The following CELF2 variants were observed in gnomAD, a reference collection of about 807,000 sequenced individuals.
CELF2 encodes CUG triplet repeat RNA-binding protein 2.
Under a neutral mutation model 62.6 loss-of-function variants are expected in CELF2, and 8 were observed. The ratio of observed to expected loss-of-function variants is 0.13; its 90% CI spans 0.07 to 0.23. The LOEUF is 0.23. Ranked by LOEUF, CELF2 falls within the 10% of genes least tolerant of loss-of-function variation. CELF2 has a pLI of 1.00. For synonymous variants in CELF2, 258 were observed against 250.0 expected (o/e 1.03, Z -0.30); for missense variants, 333 against 671.0 (o/e 0.50, Z 5.56).
the CELF2 span, among the ~76,000 whole-genome samples, chr10:10,669,676 C>T: frequency 6.6e-6 from 1 of 152,200 alleles, no homozygotes; most frequent in East Asian, 1.9e-4. Context: ...CAGGCCACCC[C>T]AGCTGGATTA....
At chr10:10,917,260 G>A (rs2064428831) in intron 1 of CELF2, among the ~76,000 whole-genome samples, 1 of 152,150 alleles carries the variant, frequency 6.6e-6, no homozygotes. Context: ...TGTGAGTGAA[G>A]GATGTTGGTC....
intron 2 of CELF2, among the ~76,000 whole-genome samples, chr10:11,193,592 C>T (rs976446453): frequency 2.1e-4 from 32 of 152,302 alleles, no homozygotes; most frequent in African/African-American, 7.5e-4. Flanking sequence ...CCTGTTCATT[C>T]CACCTGAGGA....
rs1429755030 is a variant in CELF2 at position 11,280,075 on chromosome 10, T to A, written c.841+4955T>A. ...CTCTCGGTCTGGTGCCCTTTCAGGA[T>A]GAGCGTGTGGGATAAAGTGTGACTT... On this transcript the variant is annotated intron_variant, in intron 8 of 12. Transcript: ENST00000633077. This position sits in a 1 kb window ranked among gnomAD's most constrained non-coding sequence, Gnocchi z 7.6. 1.3e-5 allele frequency among the ~76,000 whole-genome samples: 2 copies of A among 152,122 alleles called. No individual in the cohort carries two copies. Among genetic ancestry groups the A allele is most frequent in the Non-Finnish European group, 2.9e-5 (2 of 68,022 alleles).
At chr10:11,002,660 T>C (rs1472878549), upstream of CELF2, among the ~76,000 whole-genome samples, 1 of 152,198 alleles carries the variant, frequency 6.6e-6, no homozygotes, top group Non-Finnish European at 1.5e-5. This position sits in a 1 kb window ranked among gnomAD's most constrained non-coding sequence, Gnocchi z 4.4. Context: ...GAACCAGCGG[T>C]GCCTGCCCAC....
intron 1 of CELF2, among the ~76,000 whole-genome samples, chr10:11,078,749 G>C (rs1325770075): frequency 6.6e-6 from 1 of 152,168 alleles, no homozygotes; most frequent in Non-Finnish European, 1.5e-5. Flanking sequence ...CTGCCAGTCT[G>C]TATTCTCTTA....
intron 1 of CELF2, among the ~76,000 whole-genome samples, chr10:11,126,701 AGAGT>A (rs1395750374): frequency 6.6e-6 from 1 of 152,230 alleles, no homozygotes; most frequent in Non-Finnish European, 1.5e-5. Flanking sequence ...CTGTGAATAC[AGAGT>A]AAGTCTTTGA....
intron 3 of CELF2, among the ~76,000 whole-genome samples, chr10:11,236,302 A>AG (rs1174698700): frequency 6.6e-6 from 1 of 152,214 alleles, no homozygotes; most frequent in Non-Finnish European, 1.5e-5. Flanking sequence ...TGCTTGTTAG[A>AG]GGGGTATTCT....
chr10:11,272,360 T>C (rs1003820397), intron 7 of CELF2, among the ~76,000 whole-genome samples: 1 of 152,264 alleles, frequency 6.6e-6, no homozygotes, highest in Non-Finnish European at 1.5e-5. Flanking sequence ...GATTTGTTTT[T>C]CACAAATGTG....
chr10:10,477,860 T>C, the CELF2 span, among the ~76,000 whole-genome samples: 6 of 152,032 alleles, frequency 3.9e-5, no homozygotes, highest in African/African-American at 1.4e-4. Context: ...TAAAACAATG[T>C]AGCATAGGAA....
chr10:10,914,271 A>G (rs1163628725), intron 1 of CELF2, among the ~76,000 whole-genome samples: 1 of 152,172 alleles, frequency 6.6e-6, no homozygotes, highest in East Asian at 1.9e-4. Context: ...TACAGTTGTC[A>G]GCTAATTTTG....
At position 11,285,573 on chromosome 10, in the gene CELF2, G is replaced by C. The variant is rs2090944466; in HGVS notation, c.842-2845G>C. Among the ~76,000 whole-genome samples, 1 of 152,190 alleles carries C rather than the reference G, an allele frequency of 6.6e-6. No homozygotes were observed. Among genetic ancestry groups the C allele is most frequent in the African/African-American group, 2.4e-5 (1 of 41,428 alleles). On this transcript the variant is annotated intron_variant, in intron 8 of 12. Coordinates refer to ENST00000633077, the MANE Select transcript of CELF2 (RefSeq NM_001326342.2). This position sits in a 1 kb window ranked among gnomAD's most constrained non-coding sequence, Gnocchi z 4.3. Reference sequence around the variant, plus strand: ...GTTCCAGGACCTTTAGTGAATGTCAGTGGGTGAGAGAAGGACTAAACATGG... The same window carrying C: ...GTTCCAGGACCTTTAGTGAATGTCACTGGGTGAGAGAAGGACTAAACATGG...
At chr10:10,760,349 G>GT in the CELF2 span, among the ~76,000 whole-genome samples, 1 of 152,172 alleles carries the variant, frequency 6.6e-6, no homozygotes, top group Non-Finnish European at 1.5e-5. Flanking sequence ...AATGCTCCAT[G>GT]TGACCCAGAC....
At chr10:10,901,036 G>A (rs1260152868) in intron 1 of CELF2, among the ~76,000 whole-genome samples, 1 of 152,174 alleles carries the variant, frequency 6.6e-6, no homozygotes, top group African/African-American at 2.4e-5. Context: ...AATTAGAGAA[G>A]AGCTAAATAA....
At chr10:11,279,098 T>C (rs1234949348) in intron 8 of CELF2, among the ~76,000 whole-genome samples, 1 of 152,104 alleles carries the variant, frequency 6.6e-6, no homozygotes, top group Non-Finnish European at 1.5e-5. Context: ...ATGAGTGAGT[T>C]TTTCTTTTTA....
the CELF2 span, among the ~76,000 whole-genome samples, chr10:10,537,813 T>C: frequency 6.6e-6 from 1 of 152,164 alleles, no homozygotes; most frequent in African/African-American, 2.4e-5. Flanking sequence ...CCCTTAAGCC[T>C]ATGACTGAAA....
the CELF2 span, among the ~76,000 whole-genome samples, chr10:10,562,331 G>T: frequency 6.6e-6 from 1 of 152,142 alleles, no homozygotes; most frequent in African/African-American, 2.4e-5. Flanking sequence ...AGAGCCAAAG[G>T]GATAGTTATG....
intron 1 of CELF2, among the ~76,000 whole-genome samples, chr10:11,111,098 G>T (rs2055039503): frequency 6.6e-6 from 1 of 152,166 alleles, no homozygotes; most frequent in South Asian, 2.1e-4. Context: ...ATTTGGAAGT[G>T]ATTTGAAATA....
intron 8 of CELF2, among the ~76,000 whole-genome samples, chr10:11,284,011 T>C (rs1590632397): frequency 4.5e-5 from 4 of 89,322 alleles, no homozygotes; most frequent in African/African-American, 1.4e-4. Context: ...GGGATGAGTG[T>C]GTGGTGGGTG....
Position 11,110,622 on chromosome 10 carries a change from G to A in CELF2, c.75-54864G>A, listed in dbSNP as rs1180251934. Among the ~76,000 whole-genome samples, 1 of 152,172 alleles carries A rather than the reference G, an allele frequency of 6.6e-6. No homozygotes were observed. The highest frequency in any genetic ancestry group is 2.4e-5 in the African/African-American group (1 of 41,436). ...GAGGAGGAGGCCTGGGTGGCATTTT[G>A]TTTGCTGTTTGGTGAGTGGGGAGAT... On this transcript the variant is annotated intron_variant, in intron 1 of 12. Coordinates refer to ENST00000633077, the MANE Select transcript of CELF2 (RefSeq NM_001326342.2). This position sits in a 1 kb window ranked among gnomAD's most constrained non-coding sequence, Gnocchi z 4.0.
Sources: allele counts gnomAD v4.1 joint callset (sites outside exome capture counted in the v4.1 genomes callset), GRCh38; gene constraint gnomAD v4.1.1; non-coding constraint Gnocchi (gnomAD v3.1); transcripts MANE v1.5; gene names NCBI Gene and HGNC (gene_info 2026-07-23, HGNC 2026-07-21).